Variants in MSI2 observed in about 807,000 individuals in gnomAD.
MSI2 encodes musashi RNA binding protein 2.
In MSI2, 17 loss-of-function variants were observed where a neutral mutation model predicts 45.6. That is an observed-to-expected ratio of 0.37 (90% CI 0.26 to 0.56). The LOEUF is 0.56. Ranked by LOEUF, MSI2 falls within the 20% of genes least tolerant of loss-of-function variation. The pLI, the probability that MSI2 is intolerant of heterozygous loss-of-function variation, is 0.77. For missense variants in MSI2, 293 were observed against 444.2 expected, an observed-to-expected ratio of 0.66 and a Z score of 3.06; for synonymous variants, 156 against 158.2, an observed-to-expected ratio of 0.99 and a Z score of 0.11.
intron 5 of MSI2, among the ~76,000 whole-genome samples, chr17:57,357,598 G>A (rs1028628283): frequency 1.8e-4 from 28 of 152,148 alleles, no homozygotes; most frequent in African/African-American, 4.6e-4. Flanking sequence ...ACTTATTAAC[G>A]ATGACGCTGG....
intron 6 of MSI2, among the ~76,000 whole-genome samples, chr17:57,404,214 C>G (rs114896137): frequency 8.7e-4 from 133 of 152,150 alleles, no homozygotes; most frequent in African/African-American, 2.9e-3. Context: ...CTCTTGGACT[C>G]AAGGTCACAG....
At chr17:57,380,350 G>A (rs557634765) in intron 5 of MSI2, among the ~76,000 whole-genome samples, 6 of 152,342 alleles carry the variant, frequency 3.9e-5, no homozygotes, top group South Asian at 2.1e-4. Flanking sequence ...GGGCAGGACC[G>A]TGGAAGGTAG....
At chr17:57,613,102 A>C (rs138691177) in intron 8 of MSI2, among the ~76,000 whole-genome samples, 48 of 152,308 alleles carry the variant, frequency 3.2e-4, no homozygotes, top group African/African-American at 1.1e-3. Flanking sequence ...ATATTCTAAT[A>C]GCCCTATCAG....
intron 6 of MSI2, among the ~76,000 whole-genome samples, chr17:57,526,866 A>G (rs552807012): frequency 1.3e-5 from 2 of 152,178 alleles, no homozygotes; most frequent in Middle Eastern, 3.4e-3. Context: ...TGCGAGCCCC[A>G]TTGTACAGCC....
chr17:57,503,594 AGCAATT>A (rs2086162736), intron 6 of MSI2, among the ~76,000 whole-genome samples: 1 of 152,200 alleles, frequency 6.6e-6, no homozygotes, highest in Non-Finnish European at 1.5e-5. Flanking sequence ...AAAGTTCCAG[AGCAATT>A]GCTCAGTCCC....
At chr17:57,403,452 A>G (rs1428564730) in intron 6 of MSI2, among the ~76,000 whole-genome samples, 1 of 152,200 alleles carries the variant, frequency 6.6e-6, no homozygotes, top group Non-Finnish European at 1.5e-5. Flanking sequence ...AGAAGCAGTC[A>G]CAAACCATCT....
At position 57,529,222 on chromosome 17, in the gene MSI2, G is replaced by C. The variant is rs998568944; in HGVS notation, c.406-454G>C. Among the ~76,000 whole-genome samples the C allele has an allele frequency of 1.3e-5, 2 of 152,118 alleles. No homozygotes were observed. The highest frequency in any genetic ancestry group is 6.5e-5 in the Admixed American group (1 of 15,278). ...AGGCTGCTGCAGGAGGATCACTTGA[G>C]CCCAGGAGTTCAAGACCAGTCTGAG... On this transcript the variant is annotated intron_variant, in intron 6 of 13. Coordinates refer to ENST00000284073, the MANE Select transcript of MSI2 (RefSeq NM_138962.4). The surrounding 1 kb of genome is among the most constrained non-coding windows in gnomAD (Gnocchi z 5.3).
chr17:57,429,904 C>T (rs1376302127), intron 6 of MSI2, among the ~76,000 whole-genome samples: 2 of 152,168 alleles, frequency 1.3e-5, no homozygotes, highest in Non-Finnish European at 2.9e-5. Context: ...GCCTGGCTGC[C>T]ATTCTTGCCC....
At chr17:57,449,931 C>G (rs992728712) in intron 6 of MSI2, 1 of 152,154 alleles carries the variant, frequency 6.6e-6, no homozygotes, top group Non-Finnish European at 1.5e-5. Flanking sequence ...GAGGCTGAGG[C>G]AGGAGAATCG....
At chr17:57,520,378 T>G (rs2086558728) in intron 6 of MSI2, among the ~76,000 whole-genome samples, 1 of 152,198 alleles carries the variant, frequency 6.6e-6, no homozygotes, top group Non-Finnish European at 1.5e-5. Context: ...AACTGCTATC[T>G]GATAAACATT....
Position 57,258,251 on chromosome 17 carries a change from C to T in MSI2, c.186-19C>T, listed in dbSNP as rs1907000762. The T allele has an allele frequency of 2.5e-6, 4 of 1,610,802 alleles. No individual in the cohort carries two copies. Among genetic ancestry groups the T allele is most frequent in the East Asian group, 2.2e-5 (1 of 44,886 alleles). ...TCACATTTTCTTGTTTGTTTTTCTCCCTCTTTGTCTCCTTTCAGAGGCTTC... is the reference window on the plus strand; with the variant it reads ...TCACATTTTCTTGTTTGTTTTTCTCTCTCTTTGTCTCCTTTCAGAGGCTTC... On this transcript the variant is annotated intron_variant, in intron 3 of 13. Transcript: ENST00000284073.
chr17:57,440,834 G>T (rs2084786724), intron 6 of MSI2: 1 of 152,234 alleles, frequency 6.6e-6, no homozygotes, highest in African/African-American at 2.4e-5. Context: ...GGATGTTGGT[G>T]TTTCTGGTAT....
chr17:57,535,109 G>A (rs1193587600), intron 7 of MSI2, among the ~76,000 whole-genome samples: 1 of 152,214 alleles, frequency 6.6e-6, no homozygotes, highest in African/African-American at 2.4e-5. Context: ...GAGGGAGGAA[G>A]GGTGCACTGG....
chr17:57,544,767 C>T (rs1206956456), intron 7 of MSI2, among the ~76,000 whole-genome samples: 3 of 152,114 alleles, frequency 2.0e-5, no homozygotes, highest in South Asian at 2.1e-4. Context: ...TATGCCAAGA[C>T]CATTACCAAA....
At chr17:57,329,823 G>A (rs1355307247) in intron 5 of MSI2, among the ~76,000 whole-genome samples, 2 of 152,110 alleles carry the variant, frequency 1.3e-5, no homozygotes, top group African/African-American at 4.8e-5. Context: ...AGAGGCTCCT[G>A]GGAAAAACTG....
intron 6 of MSI2, among the ~76,000 whole-genome samples, chr17:57,526,356 GGTGTGTGTGTGTGTGTGTGTGTGT>G (rs71143203): frequency 0.015 from 1,799 of 122,612 alleles, 38 homozygotes; most frequent in South Asian, 0.11. Context: ...GATATACCTG[GGTGTGTGTGTGTGTGTGTGTGTGT>G]GTGTGTGTGT....
rs139505845 is a variant in MSI2, at chr17:57,289,728, G to A, written c.312+27536G>A. Among the ~76,000 whole-genome samples the A allele has an allele frequency of 1.1e-4, 17 of 152,324 alleles. No individual in the cohort carries two copies. In the East Asian group the frequency reaches 1.5e-3, roughly 14 times the overall value. On this transcript the variant is annotated intron_variant, in intron 5 of 13. Coordinates refer to ENST00000284073, the MANE Select transcript of MSI2 (RefSeq NM_138962.4). ...CTCCCTTGGTGAGAAGGAGGAGGCC[G>A]TGAAACACTCAGTGATGCTACTTCG...
intron 7 of MSI2, among the ~76,000 whole-genome samples, chr17:57,557,602 G>A (rs1201462210): frequency 2.0e-5 from 3 of 152,234 alleles, no homozygotes; most frequent in Non-Finnish European, 4.4e-5. Flanking sequence ...TGGGCTGTTG[G>A]CTGGTACCCC....
At chr17:57,384,258 C>T (rs1158643330) in intron 5 of MSI2, among the ~76,000 whole-genome samples, 1 of 152,148 alleles carries the variant, frequency 6.6e-6, no homozygotes, top group African/African-American at 2.4e-5. Context: ...TGTAGGACCT[C>T]AGCTGGGAAG....
Sources: gnomAD v4.1 joint callset for allele counts (sites outside exome capture counted in the v4.1 genomes callset) on GRCh38, gnomAD v4.1.1 for gene constraint, Gnocchi (gnomAD v3.1) non-coding constraint, MANE v1.5 for transcripts, NCBI Gene and HGNC (gene_info 2026-07-23, HGNC 2026-07-21) for gene names.